Variants in FBXL17 observed in about 807,000 individuals in gnomAD.
FBXL17 encodes F-box/LRR-repeat protein 17.
In FBXL17, 22 loss-of-function variants were observed where a neutral mutation model predicts 66.2. The observed-to-expected ratio is 0.33, with a 90% confidence interval of 0.24 to 0.47. The LOEUF (loss-of-function observed/expected upper bound fraction) is 0.47, where lower values mean the gene tolerates loss of function less well. Ranked by LOEUF, FBXL17 falls within the 20% of genes least tolerant of loss-of-function variation. The probability of loss-of-function intolerance (pLI) is 1.00; values close to 1 mark genes in which losing one functional copy is unlikely to be tolerated. For synonymous variants in FBXL17, 474 were observed against 400.5 expected, an observed-to-expected ratio of 1.18 and a Z score of -2.19; for missense variants, 878 against 948.2, an observed-to-expected ratio of 0.93 and a Z score of 0.97.
At chr5:107,933,341 G>A (rs1750795267) in intron 7 of FBXL17, among the ~76,000 whole-genome samples, 1 of 152,072 alleles carries the variant, frequency 6.6e-6, no homozygotes, top group Admixed American at 6.6e-5. Context: ...CATTCGGTCT[G>A]GGTATGTGCA....
chr5:108,049,695 C>T (rs1409485630), intron 6 of FBXL17, among the ~76,000 whole-genome samples: 1 of 152,052 alleles, frequency 6.6e-6, no homozygotes, highest in African/African-American at 2.4e-5. Flanking sequence ...TGCAAAATAA[C>T]CAGCTAGCAT....
At chr5:107,967,302 A>T (rs1752180824) in intron 7 of FBXL17, among the ~76,000 whole-genome samples, 1 of 152,040 alleles carries the variant, frequency 6.6e-6, no homozygotes, top group Non-Finnish European at 1.5e-5. Context: ...TCTTGTGGTG[A>T]CAGTAAGTAG....
At chr5:108,126,608 T>C (rs865774460) in intron 6 of FBXL17, among the ~76,000 whole-genome samples, 1 of 149,524 alleles carries the variant, frequency 6.7e-6, no homozygotes, top group Non-Finnish European at 1.5e-5. Context: ...TCATGCTATA[T>C]AAGATTATCT....
chr5:107,919,812 T>A (rs922560592), intron 7 of FBXL17, among the ~76,000 whole-genome samples: 1 of 152,176 alleles, frequency 6.6e-6, no homozygotes, highest in African/African-American at 2.4e-5. Context: ...CTGCATCATT[T>A]TTCTCCAGAT....
intron 7 of FBXL17, among the ~76,000 whole-genome samples, chr5:107,968,138 C>A (rs756670657): frequency 3.7e-4 from 56 of 152,204 alleles, no homozygotes; most frequent in Non-Finnish European, 7.5e-4. Context: ...ACAAGGGCAA[C>A]AGCATCAAAG....
At chr5:108,011,226 A>G (rs1318873110) in intron 7 of FBXL17, among the ~76,000 whole-genome samples, 1 of 152,232 alleles carries the variant, frequency 6.6e-6, no homozygotes, top group African/African-American at 2.4e-5. Flanking sequence ...AGCGAAGTAG[A>G]TCTAGTCCAA....
chr5:108,156,899 CAATT>C (rs1416992956), intron 6 of FBXL17, among the ~76,000 whole-genome samples: 2 of 151,710 alleles, frequency 1.3e-5, no homozygotes, highest in Non-Finnish European at 3.0e-5. Flanking sequence ...AAAATTAAAA[CAATT>C]AAATTAGTGA....
Position 108,097,241 on chromosome 5 carries a change from T to C in FBXL17, c.1746-76240A>G, listed in dbSNP as rs186074543. Among the ~76,000 whole-genome samples the C allele has an allele frequency of 1.4e-4, 21 of 152,312 alleles. No individual in the cohort carries two copies. The East Asian group carries it at 2.9e-3, about 21-fold the overall frequency. On this transcript the variant is annotated intron_variant, in intron 6 of 8. Transcript: ENST00000542267. ...TGTGCCTGCTTCACCCTCCCCACGATTGTAAGTTTCCTGAGGCCTCCCCAG... is the reference window on the plus strand; with the variant it reads ...TGTGCCTGCTTCACCCTCCCCACGACTGTAAGTTTCCTGAGGCCTCCCCAG...
intron 4 of FBXL17, chr5:108,299,268 T>C (rs1478597925): frequency 2.2e-5 from 22 of 985,004 alleles, no homozygotes; most frequent in Non-Finnish European, 2.7e-5. Context: ...TTAGGGCAGA[T>C]CCCTCTCTTC....
intron 5 of FBXL17, among the ~76,000 whole-genome samples, chr5:108,221,602 T>G (rs961766831): frequency 2.6e-5 from 4 of 152,162 alleles, no homozygotes; most frequent in African/African-American, 9.7e-5. Context: ...AAAAACATAT[T>G]TAGGCTGATA....
At chr5:108,267,848 G>A (rs903948101) in intron 4 of FBXL17, among the ~76,000 whole-genome samples, 2 of 152,064 alleles carry the variant, frequency 1.3e-5, no homozygotes, top group Admixed American at 6.6e-5. Context: ...TGACATTTGA[G>A]CTGAGATCTG....
chr5:107,892,366 T>TA (rs1261932464), intron 7 of FBXL17, among the ~76,000 whole-genome samples: 1 of 152,164 alleles, frequency 6.6e-6, no homozygotes, highest in Non-Finnish European at 1.5e-5. Flanking sequence ...TAGCTACAAG[T>TA]ATGTCAATCA....
chr5:108,123,144 G>A (rs1042965922), intron 6 of FBXL17, among the ~76,000 whole-genome samples: 1 of 150,362 alleles, frequency 6.7e-6, no homozygotes, highest in Non-Finnish European at 1.5e-5. Context: ...CATGTGCTTG[G>A]GTAAGTTTTT....
chr5:108,277,080 C>G (rs570978729), intron 4 of FBXL17, among the ~76,000 whole-genome samples: 2 of 152,168 alleles, frequency 1.3e-5, no homozygotes, highest in East Asian at 3.9e-4. Context: ...GCCATTCTAT[C>G]AATGAAAACA....
At chr5:108,126,662 TA>T (rs1167752279) in intron 6 of FBXL17, among the ~76,000 whole-genome samples, 15,410 of 118,908 alleles carry the variant, frequency 0.13, 1,007 homozygotes, top group East Asian at 0.21. Context: ...TATATATATA[TA>T]CATATATATA....
At chr5:108,211,567 T>C (rs1327834281) in intron 5 of FBXL17, among the ~76,000 whole-genome samples, 2 of 152,242 alleles carry the variant, frequency 1.3e-5, no homozygotes, top group South Asian at 2.1e-4. Flanking sequence ...AAGGACTTTA[T>C]TTCTCCTTTG....
At chr5:107,968,731 A>G (rs1308955320) in intron 7 of FBXL17, among the ~76,000 whole-genome samples, 2 of 152,206 alleles carry the variant, frequency 1.3e-5, no homozygotes, top group African/African-American at 4.8e-5. Flanking sequence ...AAGGAATGCC[A>G]TATCAAATGC....
chr5:108,297,492 A>C (rs895635049), intron 4 of FBXL17, among the ~76,000 whole-genome samples: 1 of 151,700 alleles, frequency 6.6e-6, no homozygotes, highest in Non-Finnish European at 1.5e-5. Context: ...AGTAAAATAA[A>C]ATTATTTTCA....
chr5:108,138,785 T>C lies in FBXL17; in HGVS notation c.1745+47332A>G, dbSNP rs187425382. On this transcript the variant is annotated intron_variant, in intron 6 of 8. Transcript: ENST00000542267. ...CCCACTCTCATGGAATCCAAAATTG[T>C]ATAAAAAGAACCATGAAATTCTGTG... Among the ~76,000 whole-genome samples, 6 of 152,200 alleles carry C rather than the reference T, an allele frequency of 3.9e-5. No individual in the cohort carries two copies. The East Asian group carries it at 9.6e-4, about 24-fold the overall frequency.
Sources: allele counts gnomAD v4.1 joint callset (sites outside exome capture counted in the v4.1 genomes callset), GRCh38; gene constraint gnomAD v4.1.1; transcripts MANE v1.5; gene names NCBI Gene and HGNC (gene_info 2026-07-23, HGNC 2026-07-21).